The following ISY1 variants were observed in gnomAD, a reference collection of about 807,000 sequenced individuals.
ISY1 encodes ISY1 spliceosome associated protein, also known as pre-mRNA-splicing factor ISY1 homolog.
ISY1 carries 12 observed loss-of-function variants against 54.4 expected under a neutral mutation model. That is an observed-to-expected ratio of 0.22 (90% CI 0.14 to 0.36). ISY1 has a LOEUF of 0.36. Among genes scored for constraint, ISY1 ranks in the 10% least tolerant of loss-of-function variants. The probability of loss-of-function intolerance (pLI) is 1.00; values close to 1 mark genes in which losing one functional copy is unlikely to be tolerated. For missense variants in ISY1, 282 were observed against 342.2 expected, an observed-to-expected ratio of 0.82 and a Z score of 1.39; for synonymous variants, 96 against 117.9, an observed-to-expected ratio of 0.81 and a Z score of 1.20.
chr3:129,154,474 T>C (rs375903608), intron 5 of ISY1, among the ~76,000 whole-genome samples: 7 of 149,798 alleles, frequency 4.7e-5, no homozygotes, highest in African/African-American at 1.7e-4. Context: ...GGACCACTTC[T>C]CTTAAGTGAG....
At position 129,129,974 on chromosome 3, in the gene ISY1, C is replaced by T. The variant is rs1197876881; in HGVS notation, c.*107G>A. 6.1e-6 allele frequency: 5 copies of T among 815,716 alleles called. No individual in the cohort carries two copies. The highest frequency in any genetic ancestry group is 4.1e-5 in the South Asian group (2 of 49,250). The allele number at this position is 815,716 out of a possible 1,614,324, so 50.5% of individuals were successfully genotyped here. On this transcript the variant is annotated 3_prime_UTR_variant, in exon 11 of 11. Transcript: ENST00000393295. ...ATGAGACAAGGAGAGGGAAGGAAGGCTGAGAATGGGGCAGGAGCCCTTGCA... is the reference window on the plus strand; with the variant it reads ...ATGAGACAAGGAGAGGGAAGGAAGGTTGAGAATGGGGCAGGAGCCCTTGCA...
At chr3:129,130,508 A>G (rs764384451) in intron 10 of ISY1, 42 bp downstream of exon 10, 1 of 1,608,788 alleles carries the variant, frequency 6.2e-7, no homozygotes, top group South Asian at 1.1e-5. Flanking sequence ...TCTGCTTTAG[A>G]GAAGCCCCCG....
intron 7 of ISY1, chr3:129,137,303 A>G (rs976208363): frequency 1.4e-6 from 1 of 703,532 alleles, no homozygotes; most frequent in African/African-American, 1.9e-5. Context: ...TAGAGGTAAG[A>G]GGACTTTAAC....
At chr3:129,146,996 C>G (rs1936780545) in intron 5 of ISY1, among the ~76,000 whole-genome samples, 1 of 151,622 alleles carries the variant, frequency 6.6e-6, no homozygotes, top group African/African-American at 2.4e-5. Context: ...GAAGTGGAGA[C>G]TGCAGTGAGC....
At chr3:129,142,421 T>C (rs1936647634) in intron 6 of ISY1, among the ~76,000 whole-genome samples, 1 of 152,128 alleles carries the variant, frequency 6.6e-6, no homozygotes, top group Non-Finnish European at 1.5e-5. Context: ...AATACACATA[T>C]ATTAAAGGGT....
intron 9 of ISY1, among the ~76,000 whole-genome samples, chr3:129,133,362 A>C (rs1468432955): frequency 6.6e-6 from 1 of 152,180 alleles, no homozygotes; most frequent in Non-Finnish European, 1.5e-5. Context: ...CCCTCTAAGA[A>C]AGTTTCTTCT....
chr3:129,158,417 C>G, intron 3 of ISY1, 91 bp downstream of exon 3: 1 of 1,575,490 alleles, frequency 6.3e-7, no homozygotes, highest in Non-Finnish European at 8.6e-7. Flanking sequence ...CCTCAGCCTC[C>G]CCAAGTATTG....
At chr3:129,149,069 G>A (rs1299222576) in intron 5 of ISY1, among the ~76,000 whole-genome samples, 1 of 152,100 alleles carries the variant, frequency 6.6e-6, no homozygotes, top group Non-Finnish European at 1.5e-5. Flanking sequence ...GGGAGACACA[G>A]ACAGGAAGAC....
At chr3:129,146,247 C>G (rs1032710153) in intron 5 of ISY1, among the ~76,000 whole-genome samples, 2 of 152,056 alleles carry the variant, frequency 1.3e-5, no homozygotes, top group Non-Finnish European at 2.9e-5. Flanking sequence ...GGCTGGGATA[C>G]GCACCCAGGG....
chr3:129,140,426 G>A lies in ISY1; in HGVS notation c.360C>T (p.Tyr120=). ...EGKEVPGNRG[Y]KYFGAAKDLP... The stretch of plus-strand genomic sequence containing the variant: ...AATCTTTTGCTGCTCCAAAGTACTT[G>A]TAACCTCGGTTTCCTGGGACTTCTT... Residue 120 remains tyrosine (Y), a synonymous_variant, in exon 7 of 11, where the codon TAC becomes TAT. Coordinates refer to ENST00000393295, the MANE Select transcript of ISY1 (RefSeq NM_020701.4). 1.4e-5 allele frequency: 23 copies of A among 1,613,402 alleles called. No homozygotes were observed. Among genetic ancestry groups the A allele is most frequent in the Non-Finnish European group, 1.9e-5 (23 of 1,179,886 alleles).
Position 129,134,060 on chromosome 3 carries a change from G to A in ISY1, c.663+14C>T. 2 of 1,613,718 alleles carry A rather than the reference G, an allele frequency of 1.2e-6. No homozygotes were observed. The highest frequency in any genetic ancestry group is 1.7e-6 in the Non-Finnish European group (2 of 1,179,926). On this transcript the variant is annotated intron_variant, in intron 9 of 10. Transcript: ENST00000393295. ...CAGATGGCAGTGAGTGCCAGAGGGG[G>A]CCAACCCCAATACCTCCTCCTCGGT...
intron 5 of ISY1, among the ~76,000 whole-genome samples, chr3:129,154,527 T>G (rs1937076679): frequency 6.6e-6 from 1 of 151,626 alleles, no homozygotes; most frequent in East Asian, 1.9e-4. Context: ...CTATTTCATC[T>G]AAGTTGTCAA....
intron 5 of ISY1, among the ~76,000 whole-genome samples, chr3:129,156,398 C>CAAA (rs11437245): frequency 1.7e-4 from 20 of 115,262 alleles, no homozygotes; most frequent in South Asian, 2.9e-4. Context: ...GACTCTGTCT[C>CAAA]AAAAAAAAAA....
At chr3:129,147,940 AT>A (rs541481567) in intron 5 of ISY1, among the ~76,000 whole-genome samples, 52 of 151,590 alleles carry the variant, frequency 3.4e-4, no homozygotes, top group African/African-American at 6.8e-4. Flanking sequence ...TGTTTTATTT[AT>A]TTTTTTTATT....
rs1211449516 is a variant in ISY1 at position 129,129,437 on chromosome 3, G to C, written c.*644C>G. The C allele has an allele frequency of 1.3e-5, 2 of 150,088 alleles. No homozygotes were observed. Among genetic ancestry groups the C allele is most frequent in the Admixed American group, 6.7e-5 (1 of 14,988 alleles). The allele number at this position is 150,088 out of a possible 1,614,324, so 9.3% of individuals were successfully genotyped here. A position where few individuals can be genotyped will look rare whatever the true frequency, so the allele number is the denominator to read the frequency against. ...TCGCCAGGCTGGAGTGCAATGGCACGATCTTGGCTCACTTCAACCTCCACC... is the reference window on the plus strand; with the variant it reads ...TCGCCAGGCTGGAGTGCAATGGCACCATCTTGGCTCACTTCAACCTCCACC... On this transcript the variant is annotated 3_prime_UTR_variant, in exon 11 of 11. Transcript: ENST00000393295.
At chr3:129,156,395 T>C (rs1343829521) in intron 5 of ISY1, among the ~76,000 whole-genome samples, 1 of 65,240 alleles carries the variant, frequency 1.5e-5, no homozygotes, top group African/African-American at 3.3e-5. Flanking sequence ...TGAGACTCTG[T>C]CTCAAAAAAA....
In ISY1 at chr3:129,132,405, T is replaced by G. The variant is rs556139275; in HGVS notation, c.663+1669A>C. Among the ~76,000 whole-genome samples the G allele has an allele frequency of 2.6e-5, 4 of 152,250 alleles. No homozygotes were observed. In the South Asian group the frequency reaches 8.3e-4, roughly 32 times the overall value. Reference sequence around the variant, plus strand: ...TCTTCCCCACAACGCCAGCTCCCCATCAGCCTCCACTCACACCCAGCACCC... The same window carrying G: ...TCTTCCCCACAACGCCAGCTCCCCAGCAGCCTCCACTCACACCCAGCACCC... On this transcript the variant is annotated intron_variant, in intron 9 of 10. Transcript: ENST00000393295.
intron 5 of ISY1, 144 bp from the exon 6 acceptor site, chr3:129,146,017 G>A: frequency 1.5e-6 from 1 of 656,036 alleles, no homozygotes; most frequent in Non-Finnish European, 2.4e-6. Flanking sequence ...AAATTGATAA[G>A]AAAAACCACC....
intron 1 of ISY1, among the ~76,000 whole-genome samples, chr3:129,160,673 C>T (rs1937280421): frequency 6.6e-6 from 1 of 152,190 alleles, no homozygotes; most frequent in African/African-American, 2.4e-5. Context: ...CCACACTATG[C>T]ACCGTAACTC....
Sources: gnomAD v4.1 joint callset for allele counts (sites outside exome capture counted in the v4.1 genomes callset) on GRCh38, gnomAD v4.1.1 for gene constraint, MANE v1.5 for transcripts, NCBI Gene and HGNC (gene_info 2026-07-23, HGNC 2026-07-21) for gene names.